CPLANE1: variants seen among roughly 807,000 people sequenced by gnomAD.
CPLANE1 encodes ciliogenesis and planar polarity effector complex subunit 1, also known as ciliogenesis and planar polarity effector 1.
CPLANE1 carries 263 observed loss-of-function variants against 362.5 expected under a neutral mutation model. The ratio of observed to expected loss-of-function variants is 0.73; its 90% CI spans 0.66 to 0.80. The LOEUF (loss-of-function observed/expected upper bound fraction) is 0.80, where lower values mean the gene tolerates loss of function less well. Among genes scored for constraint, CPLANE1 ranks in the 30% least tolerant of loss-of-function variants. The pLI is 0.00. For missense variants in CPLANE1, 3,461 were observed against 3,793.4 expected (o/e 0.91, Z 2.30); for synonymous variants, 1,212 against 1,302.6 (o/e 0.93, Z 1.50).
In CPLANE1 at chr5:37,226,830, T is replaced by C. The variant is rs1206198595; in HGVS notation, c.1765A>G (p.Thr589Ala). 1 of 1,550,508 alleles carries C rather than the reference T, an allele frequency of 6.4e-7. No homozygotes were observed. Among genetic ancestry groups the C allele is most frequent in the Non-Finnish European group, 8.7e-7 (1 of 1,146,682 alleles). Residue 589 changes from threonine to alanine, a missense_variant, in exon 12 of 53, where the codon ACA (threonine) becomes GCA (alanine). Physicochemically the swap from Thr to Ala is moderately conservative, Grantham distance 58 (BLOSUM62 0). Transcript: ENST00000651892. ...TAATTTAACATTAAATTTTTTTCTG[T>C]CACAGTTTTTGAAATTCCTATAGTC... ...AWTIGISKTVTEKNLMLNYIV... is the reference protein window; with the variant it reads ...AWTIGISKTVAEKNLMLNYIV...
intron 31 of CPLANE1, among the ~76,000 whole-genome samples, chr5:37,175,362 T>A (rs1231179894): frequency 6.6e-6 from 1 of 152,222 alleles, no homozygotes; most frequent in African/African-American, 2.4e-5. Context: ...AACAACATTT[T>A]GTGAAGAAGG....
chr5:37,175,880 T>C, intron 31 of CPLANE1, 29 bp downstream of exon 31: 1 of 1,477,284 alleles, frequency 6.8e-7, no homozygotes, highest in Non-Finnish European at 9.4e-7. Context: ...CAACTATTTT[T>C]AAATGGTATA....
chr5:37,229,194 G>A (rs1229445506), intron 9 of CPLANE1, among the ~76,000 whole-genome samples: 3 of 148,114 alleles, frequency 2.0e-5, no homozygotes, highest in African/African-American at 7.5e-5. Context: ...TCCAGCCTTG[G>A]TAACAGAGTG....
At chr5:37,169,665 G>A in intron 33 of CPLANE1, 104 bp from the exon 34 acceptor site, 3 of 854,872 alleles carry the variant, frequency 3.5e-6, no homozygotes, top group Non-Finnish European at 5.3e-6. Flanking sequence ...TGTAGTAACT[G>A]CTAAAAAAAA....
At chr5:37,136,008 T>C (rs1048470820) in intron 46 of CPLANE1, among the ~76,000 whole-genome samples, 2 of 152,318 alleles carry the variant, frequency 1.3e-5, no homozygotes, top group Admixed American at 1.3e-4. Context: ...CATATCATTC[T>C]GCCCCGGCCC....
At chr5:37,139,598 G>C (rs959970530) in intron 44 of CPLANE1, 1 of 810,486 alleles carries the variant, frequency 1.2e-6, no homozygotes, top group Non-Finnish European at 1.6e-6. Flanking sequence ...TGTCACCCAG[G>C]CTAAGTGCAG....
At chr5:37,201,495 G>C in intron 19 of CPLANE1, 96 bp downstream of exon 19, 1 of 1,029,546 alleles carries the variant, frequency 9.7e-7, no homozygotes, top group South Asian at 1.6e-5. Flanking sequence ...TTTAGAGCTT[G>C]AATTTTTAAC....
At chr5:37,239,582 A>G in intron 7 of CPLANE1, 131 bp downstream of exon 7, 3 of 164,192 alleles carry the variant, frequency 1.8e-5, no homozygotes, top group Non-Finnish European at 2.5e-5. Context: ...GACCCTGTCA[A>G]AAAAAAAAAA....
intron 16 of CPLANE1, chr5:37,210,163 C>T: frequency 8.3e-7 from 1 of 1,200,522 alleles, no homozygotes; most frequent in Non-Finnish European, 1.2e-6. Flanking sequence ...GAAAAGAGCA[C>T]CCTTGAGAGA....
chr5:37,109,978 G>A (rs1018577055), intron 51 of CPLANE1, among the ~76,000 whole-genome samples: 2 of 152,026 alleles, frequency 1.3e-5, no homozygotes, highest in South Asian at 4.1e-4. Flanking sequence ...TCTTATACAT[G>A]CCACATCCAA....
At chr5:37,186,103 G>T (rs1421769837) in intron 24 of CPLANE1, among the ~76,000 whole-genome samples, 183 bp downstream of exon 24, 2 of 152,180 alleles carry the variant, frequency 1.3e-5, no homozygotes, top group Admixed American at 1.3e-4. Context: ...AGCTTCATCT[G>T]GTTCCAAAGC....
chr5:37,206,243 C>T lies in CPLANE1; in HGVS notation c.3103G>A (p.Gly1035Ser), dbSNP rs1790700126. ...LGDWKTSVSI[G>S]VAFQLFCKRD... Reference sequence around the variant, plus strand: ...TTACAGAACAGCTGGAAAGCCACACCAATTGAAACAGACGTCTTCCAGTCT... The same window carrying T: ...TTACAGAACAGCTGGAAAGCCACACTAATTGAAACAGACGTCTTCCAGTCT... Residue 1035 changes from glycine to serine, a missense_variant, in exon 17 of 53, where the codon GGT (glycine) becomes AGT (serine). Around this residue, in one of 2 missense-constraint regions of CPLANE1, gnomAD observed 3,380 missense variants for 3,666.1 expected, o/e 0.92. Coordinates refer to ENST00000651892, the MANE Select transcript of CPLANE1 (RefSeq NM_001384732.1). 4.5e-6 allele frequency: 7 copies of T among 1,551,662 alleles called. No homozygotes were observed. The highest frequency in any genetic ancestry group is 6.1e-6 in the Non-Finnish European group (7 of 1,147,018).
At chr5:37,215,820 A>AT (rs1193764383) in intron 15 of CPLANE1, among the ~76,000 whole-genome samples, 3 of 141,862 alleles carry the variant, frequency 2.1e-5, no homozygotes, top group African/African-American at 7.9e-5. Flanking sequence ...CTGATATAAG[A>AT]TTTTTTTCTT....
At chr5:37,121,553 G>C in intron 49 of CPLANE1, 64 bp downstream of exon 49, 1 of 1,468,288 alleles carries the variant, frequency 6.8e-7, no homozygotes, top group South Asian at 1.2e-5. Context: ...TCACGAAAGT[G>C]CTACATTTCT....
chr5:37,108,651 G>C (rs1758244795), intron 51 of CPLANE1, among the ~76,000 whole-genome samples, 180 bp from the exon 52 acceptor site: 2 of 152,158 alleles, frequency 1.3e-5, no homozygotes, highest in Non-Finnish European at 2.9e-5. Context: ...GTCACTGTAC[G>C]AGATGGAAAC....
chr5:37,245,305 A>C (rs1329557692), intron 4 of CPLANE1, among the ~76,000 whole-genome samples, 174 bp downstream of exon 4: 3 of 8,902 alleles, frequency 3.4e-4, no homozygotes, highest in African/African-American at 9.5e-4. Flanking sequence ...AACTATATAT[A>C]TATATATATA....
Position 37,209,330 on chromosome 5 carries a change from G to A in CPLANE1, c.2921-2905C>T, listed in dbSNP as rs897664260. On this transcript the variant is annotated intron_variant, in intron 16 of 52. Transcript: ENST00000651892. This position sits in a 1 kb window ranked among gnomAD's most constrained non-coding sequence, Gnocchi z 4.6. Reference sequence around the variant, plus strand: ...CACTAAACTCGGGCCACGGCGGGGCGAGCGAGGCGGGCTCCGGAGGAAGCT... The same window carrying A: ...CACTAAACTCGGGCCACGGCGGGGCAAGCGAGGCGGGCTCCGGAGGAAGCT... 12 of 866,794 alleles carry A rather than the reference G, an allele frequency of 1.4e-5. No homozygotes were observed. Among genetic ancestry groups the A allele is most frequent in the Middle Eastern group, 2.8e-4 (1 of 3,590 alleles). The allele number at this position is 866,794 out of a possible 1,614,324, so 53.7% of individuals were successfully genotyped here.
intron 50 of CPLANE1, among the ~76,000 whole-genome samples, chr5:37,119,859 C>A (rs186811224): frequency 6.8e-6 from 1 of 146,552 alleles, no homozygotes; most frequent in African/African-American, 2.5e-5. Flanking sequence ...TGGTGGTGGG[C>A]GCCTGTAATC....
At chr5:37,185,212 T>C in intron 24 of CPLANE1, 133 bp from the exon 25 acceptor site, 1 of 712,964 alleles carries the variant, frequency 1.4e-6, no homozygotes, top group Non-Finnish European at 2.2e-6. Context: ...ACATTCTTAC[T>C]GGTCGTGTTT....
Sources: allele counts gnomAD v4.1 joint callset (sites outside exome capture counted in the v4.1 genomes callset), GRCh38; gene constraint gnomAD v4.1.1; regional missense constraint gnomAD v4.1.1; non-coding constraint Gnocchi (gnomAD v3.1); transcripts MANE v1.5; gene names NCBI Gene and HGNC (gene_info 2026-07-23, HGNC 2026-07-21).